Variants in TRIM8 observed in about 807,000 individuals in gnomAD.
The protein encoded by TRIM8 is E3 ubiquitin-protein ligase TRIM8.
A neutral mutation model predicts 55.7 loss-of-function variants in TRIM8; 9 were observed. The ratio of observed to expected loss-of-function variants is 0.16; its 90% CI spans 0.10 to 0.28. The LOEUF is 0.28. Among genes scored for constraint, TRIM8 ranks in the 10% least tolerant of loss-of-function variants. TRIM8 has a pLI of 1.00. For synonymous variants in TRIM8, 335 were observed against 333.3 expected, an observed-to-expected ratio of 1.01 and a Z score of -0.06; for missense variants, 556 against 736.4, an observed-to-expected ratio of 0.76 and a Z score of 2.83.
chr10:102,653,706 C>A (rs116433862), intron 1 of TRIM8: 1 of 152,338 alleles, frequency 6.6e-6, no homozygotes, highest in East Asian at 1.9e-4. Context: ...GCCAGGACTC[C>A]AGAGTCCTAG....
rs769185650 is a variant in TRIM8 at position 102,655,200 on chromosome 10, A to G, written c.787A>G (p.Ser263Gly). 2 of 1,608,844 alleles carry G rather than the reference A, an allele frequency of 1.2e-6. No homozygotes were observed. Among genetic ancestry groups the G allele is most frequent in the South Asian group, 2.2e-5 (2 of 90,836 alleles). Residue 263 changes from serine (S) to glycine (G), a missense_variant, in exon 3 of 6, where the codon AGC (serine) becomes GGC (glycine). Coordinates refer to ENST00000643721, the MANE Select transcript of TRIM8 (RefSeq NM_030912.3). The stretch of plus-strand genomic sequence containing the variant: ...AGACAAGGCCCAGGCCAAGTTCTGC[A>G]GCGAGAACGCAGCGCAGGCGCTGCA... The part of the protein sequence containing the change: ...VLDKAQAKFC[S>G]ENAAQALHLG...
chr10:102,645,323 C>A, intron 1 of TRIM8, 136 bp downstream of exon 1: 1 of 1,025,198 alleles, frequency 9.8e-7, no homozygotes. Context: ...CCAAACTCTT[C>A]TCTGAAAGTT....
chr10:102,657,622 C>T lies in TRIM8; in HGVS notation c.*268C>T, dbSNP rs892349426. The T allele has an allele frequency of 1.7e-5, 7 of 402,858 alleles. No individual in the cohort carries two copies. The highest frequency in any genetic ancestry group is 2.2e-5 in the Non-Finnish European group (5 of 225,816). 25.0% of individuals were successfully genotyped at this position (402,858 alleles called of 1,614,324 possible). On this transcript the variant is annotated 3_prime_UTR_variant, in exon 6 of 6. Coordinates refer to ENST00000643721, the MANE Select transcript of TRIM8 (RefSeq NM_030912.3). The stretch of plus-strand genomic sequence containing the variant: ...CCTGGAGATGGGAAAGTGTCTGTGT[C>T]GAGGCGCTGAGCTCTCTCTCTGTTT...
rs913887984 is a variant in TRIM8, at chr10:102,658,236, T to A, written c.*882T>A. ...TGTATGAATCGTGGACTTCCTGTTCTCAAGGCGCAGGTATTTATTCTGTAT... is the reference window on the plus strand; with the variant it reads ...TGTATGAATCGTGGACTTCCTGTTCACAAGGCGCAGGTATTTATTCTGTAT... On this transcript the variant is annotated 3_prime_UTR_variant, in exon 6 of 6. Transcript: ENST00000643721. 2.0e-5 allele frequency: 3 copies of A among 152,218 alleles called. No individual in the cohort carries two copies. The highest frequency in any genetic ancestry group is 4.4e-5 in the Non-Finnish European group (3 of 68,052). 9.4% of individuals were successfully genotyped at this position (152,218 alleles called of 1,614,324 possible).
rs60609009 is a variant in TRIM8 at position 102,657,867 on chromosome 10, A to AT, written c.*520dup. The stretch of plus-strand genomic sequence containing the variant: ...GCGACTTTTGTTTTTGTTTTTTTAA[A>AT]TTTTTTTAAACCAAGAATGATTTCT... On this transcript the variant is annotated 3_prime_UTR_variant, in exon 6 of 6. Coordinates refer to ENST00000643721, the MANE Select transcript of TRIM8 (RefSeq NM_030912.3). The AT allele has an allele frequency of 6.6e-6, 1 of 152,398 alleles. No homozygotes were observed. The highest frequency in any genetic ancestry group is 1.5e-5 in the Non-Finnish European group (1 of 68,070). The allele number at this position is 152,398 out of a possible 1,614,324, so 9.4% of individuals were successfully genotyped here. A position where few individuals can be genotyped will look rare whatever the true frequency, so the allele number is the denominator to read the frequency against.
At chr10:102,648,531 G>T (rs1337525970) in intron 1 of TRIM8, among the ~76,000 whole-genome samples, 1 of 152,208 alleles carries the variant, frequency 6.6e-6, no homozygotes, top group Non-Finnish European at 1.5e-5. Context: ...GCTTGGGCCA[G>T]TGTGGGGTTT....
Position 102,656,901 on chromosome 10 carries a change from G to C in TRIM8, c.1203G>C (p.Gly401=). The change falls in exon 6 of 6, where the codon GGG becomes GGC. Residue 401 remains glycine, a synonymous_variant. Transcript: ENST00000643721. This position sits in a 1 kb window ranked among gnomAD's most constrained non-coding sequence, Gnocchi z 4.6. ...CGGGCCCTGTGGGCGGCCAGTACGG[G>C]GCGGCGGGCACAGCCAGCGGTGAGG... The part of the protein sequence containing the change: ...TSSGPVGGQY[G]AAGTASGEGQ... 8 of 1,596,044 alleles carry C rather than the reference G, an allele frequency of 5.0e-6. No homozygotes were observed. Among genetic ancestry groups the C allele is most frequent in the Non-Finnish European group, 6.8e-6 (8 of 1,170,570 alleles).
In TRIM8 at chr10:102,654,661, C is replaced by T; in HGVS notation, c.579C>T (p.Leu193=). ...CCCAAATGTCCCTGCAGAAGATGCTCATGAAGCAGCAGGACCGGCTGGAGG... is the reference window on the plus strand; with the variant it reads ...CCCAAATGTCCCTGCAGAAGATGCTTATGAAGCAGCAGGACCGGCTGGAGG... ...EIRRNEIRKM[L]MKQQDRLEER... Residue 193 remains leucine (L), a synonymous_variant, in exon 2 of 6, where the codon CTC becomes CTT. Transcript: ENST00000643721. 1 of 1,613,834 alleles carries T rather than the reference C, an allele frequency of 6.2e-7. No individual in the cohort carries two copies. The highest frequency in any genetic ancestry group is 8.5e-7 in the Non-Finnish European group (1 of 1,179,750).
intron 1 of TRIM8, among the ~76,000 whole-genome samples, chr10:102,652,545 A>C (rs536895382): frequency 1.3e-5 from 2 of 152,332 alleles, no homozygotes; most frequent in Admixed American, 1.3e-4. Context: ...TATGCATCTC[A>C]GGCCGCCCAG....
chr10:102,644,607 C>A lies in TRIM8; in HGVS notation c.-11C>A, dbSNP rs759312844. 1 of 1,609,804 alleles carries A rather than the reference C, an allele frequency of 6.2e-7. No homozygotes were observed. Among genetic ancestry groups the A allele is most frequent in the South Asian group, 1.1e-5 (1 of 90,832 alleles). On this transcript the variant is annotated 5_prime_UTR_variant, in exon 1 of 6. Coordinates refer to ENST00000643721, the MANE Select transcript of TRIM8 (RefSeq NM_030912.3). ...GGGGAGGCCTGCCCCGGCCCCCTGC[C>A]CGCGGCCGCCATGGCGGAGAATTGG...
At chr10:102,645,495 C>A in intron 1 of TRIM8, 2 of 275,598 alleles carry the variant, frequency 7.3e-6, no homozygotes. Flanking sequence ...AGCTCCCTCC[C>A]CCAGTCTTGT....
At chr10:102,646,206 C>T (rs987589057) in intron 1 of TRIM8, among the ~76,000 whole-genome samples, 31 of 152,212 alleles carry the variant, frequency 2.0e-4, no homozygotes, top group African/African-American at 7.0e-4. Context: ...GGTCCCTCCC[C>T]AGTCCTCTGG....
Position 102,656,482 on chromosome 10 carries a change from G to T in TRIM8, c.1048+97G>T. ...CCAAGAGGCAGTGTGGCCCAGTCTG[G>T]GAGACCTGTCCTCATATCCAGGCTT... On this transcript the variant is annotated intron_variant, in intron 5 of 5. Coordinates refer to ENST00000643721, the MANE Select transcript of TRIM8 (RefSeq NM_030912.3). This position sits in a 1 kb window ranked among gnomAD's most constrained non-coding sequence, Gnocchi z 4.6. 6.6e-7 allele frequency: 1 copy of T among 1,508,602 alleles called. No homozygotes were observed. Among genetic ancestry groups the T allele is most frequent in the Non-Finnish European group, 8.9e-7 (1 of 1,122,528 alleles). The allele number at this position is 1,508,602 out of a possible 1,614,324, so 93.5% of individuals were successfully genotyped here. A position where few individuals can be genotyped will look rare whatever the true frequency, so the allele number is the denominator to read the frequency against.
chr10:102,649,154 C>T (rs1051324892), intron 1 of TRIM8: 1 of 152,312 alleles, frequency 6.6e-6, no homozygotes, highest in African/African-American at 2.4e-5. Flanking sequence ...GCCTGCCTGA[C>T]TTCAGTCCCT....
Position 102,656,576 on chromosome 10 carries a change from A to G in TRIM8, c.1049-171A>G. ...CCCAGCCTCCATTTCTTCAGCTTAA[A>G]GTGGGGATATAACTATTCTGTACCT... On this transcript the variant is annotated intron_variant, in intron 5 of 5. Coordinates refer to ENST00000643721, the MANE Select transcript of TRIM8 (RefSeq NM_030912.3). This position sits in a 1 kb window ranked among gnomAD's most constrained non-coding sequence, Gnocchi z 4.6. 1 of 1,305,098 alleles carries G rather than the reference A, an allele frequency of 7.7e-7. No homozygotes were observed. The highest frequency in any genetic ancestry group is 1.5e-5 in the South Asian group (1 of 67,044). The allele number at this position is 1,305,098 out of a possible 1,614,324, so 80.8% of individuals were successfully genotyped here.
intron 1 of TRIM8, 68 bp from the exon 2 acceptor site, chr10:102,654,585 T>C: frequency 8.2e-7 from 1 of 1,218,398 alleles, no homozygotes; most frequent in East Asian, 2.3e-5. Context: ...ATGTGTTGTG[T>C]AGAGGGAAGC....
chr10:102,654,953 C>T, intron 2 of TRIM8, 127 bp from the exon 3 acceptor site: 4 of 1,165,674 alleles, frequency 3.4e-6, no homozygotes, highest in Non-Finnish European at 5.0e-6. Context: ...CAGGTCAGAC[C>T]TTGCCCTTGG....
chr10:102,649,950 G>C (rs564353925), intron 1 of TRIM8, among the ~76,000 whole-genome samples: 10 of 152,238 alleles, frequency 6.6e-5, no homozygotes, highest in African/African-American at 2.4e-4. Flanking sequence ...GCTCTGAGAA[G>C]GGGGCTGGAG....
intron 1 of TRIM8, among the ~76,000 whole-genome samples, chr10:102,652,537 T>G (rs148926757): frequency 1.2e-4 from 18 of 152,292 alleles, no homozygotes; most frequent in Middle Eastern, 3.4e-3. Flanking sequence ...GAATTTGTTA[T>G]GCATCTCAGG....
Sources: allele counts gnomAD v4.1 joint callset (sites outside exome capture counted in the v4.1 genomes callset), GRCh38; gene constraint gnomAD v4.1.1; non-coding constraint Gnocchi (gnomAD v3.1); transcripts MANE v1.5; gene names NCBI Gene and HGNC (gene_info 2026-07-23, HGNC 2026-07-21).